Variants in RPS8 observed in about 807,000 individuals in gnomAD.
RPS8 encodes the protein ribosomal protein S8.
For synonymous variants in RPS8, 100 were observed against 100.7 expected (o/e 0.99, Z 0.04); for missense variants, 141 against 269.7 (o/e 0.52, Z 3.34).
At chr1:44,775,924 C>A in intron 1 of RPS8, 110 bp from the exon 2 acceptor site, 1 of 1,046,526 alleles carries the variant, frequency 9.6e-7, no homozygotes, top group Non-Finnish European at 1.5e-6. Flanking sequence ...GGAAGCCAAC[C>A]TTGGAGAGCT....
At chr1:44,777,550 GGA>G (rs1299063092) in intron 3 of RPS8, 62 bp from the exon 4 acceptor site, 2 of 1,342,428 alleles carry the variant, frequency 1.5e-6, no homozygotes, top group Non-Finnish European at 1.1e-6. Flanking sequence ...TGAAGAACCT[GGA>G]GGAGTGTGCC....
Position 44,775,551 on chromosome 1 carries a change from C to G in RPS8, c.-46C>G. The G allele has an allele frequency of 5.0e-6, 8 of 1,613,796 alleles. No homozygotes were observed. The highest frequency in any genetic ancestry group is 1.1e-5 in the South Asian group (1 of 91,082). On this transcript the variant is annotated 5_prime_UTR_variant, in exon 1 of 6. Coordinates refer to ENST00000396651, the MANE Select transcript of RPS8 (RefSeq NM_001012.2). ...AGGGGCGGGGCAGCGTTTTACAAAC[C>G]GAACCGTGAATCTTTGCGGTTTCTC...
intron 4 of RPS8, 29 bp downstream of exon 4, chr1:44,777,818 G>C (rs956352747): frequency 1.2e-6 from 2 of 1,611,774 alleles, no homozygotes; most frequent in Non-Finnish European, 1.7e-6. Context: ...TAGGGGTTGT[G>C]GGGAGGGCAG....
At position 44,776,158 on chromosome 1, in the gene RPS8, C is replaced by T; in HGVS notation, c.111+18C>T. Reference sequence around the variant, plus strand: ...ACACCAAGGTGGGTGCGAGCGTGGGCCTGTCCGCCTGGGAGGTCGCCTTCC... The same window carrying T: ...ACACCAAGGTGGGTGCGAGCGTGGGTCTGTCCGCCTGGGAGGTCGCCTTCC... On this transcript the variant is annotated intron_variant, in intron 2 of 5. Coordinates refer to ENST00000396651, the MANE Select transcript of RPS8 (RefSeq NM_001012.2). 5.2e-6 allele frequency: 8 copies of T among 1,552,396 alleles called. No individual in the cohort carries two copies. Among genetic ancestry groups the T allele is most frequent in the Non-Finnish European group, 7.0e-6 (8 of 1,146,282 alleles).
intron 5 of RPS8, 31 bp from the exon 6 acceptor site, chr1:44,778,545 G>A (rs374943975): frequency 2.2e-4 from 345 of 1,575,502 alleles, no homozygotes; most frequent in Admixed American, 3.3e-4. Context: ...CCACCTTGTC[G>A]TTGTGCTAAG....
intron 1 of RPS8, 112 bp downstream of exon 1, chr1:44,775,712 A>G: frequency 7.2e-7 from 1 of 1,381,824 alleles, no homozygotes; most frequent in Non-Finnish European, 1.0e-6. Flanking sequence ...GGCCAGGGAC[A>G]GCCACGAGGA....
rs374603121 is a variant in RPS8 at position 44,775,546 on chromosome 1, C to G, written c.-51C>G. 1 of 1,613,640 alleles carries G rather than the reference C, an allele frequency of 6.2e-7. No homozygotes were observed. Among genetic ancestry groups the G allele is most frequent in the Non-Finnish European group, 8.5e-7 (1 of 1,179,536 alleles). ...AGTAAAGGGGCGGGGCAGCGTTTTA[C>G]AAACCGAACCGTGAATCTTTGCGGT... On this transcript the variant is annotated 5_prime_UTR_variant, in exon 1 of 6. Transcript: ENST00000396651.
chr1:44,776,284 T>G, intron 2 of RPS8, 144 bp downstream of exon 2: 1 of 664,238 alleles, frequency 1.5e-6, no homozygotes, highest in Non-Finnish European at 2.6e-6. Flanking sequence ...TGTCCCCCTT[T>G]AGCTGTTGGA....
rs1258869055 is a variant in RPS8, at chr1:44,778,117, G to A, written c.505G>A (p.Gly169Ser). The A allele has an allele frequency of 6.3e-7, 1 of 1,595,700 alleles. No homozygotes were observed. Among genetic ancestry groups the A allele is most frequent in the African/African-American group, 1.3e-5 (1 of 74,614 alleles). ...TCTCCTGGAGGAGCAGTTCCAGCAG[G>A]GCAAGCTTCTTGGTGAGAAGGCTGT... is the stretch of plus-strand genomic sequence containing the variant. ...SSLLEEQFQQ[G>S]KLLACIASRP... The change falls in exon 5 of 6, where the codon GGC (glycine) becomes AGC (serine). Residue 169 changes from glycine to serine, a missense_variant. By Grantham distance (56) the Gly-to-Ser change is moderately conservative. Transcript: ENST00000396651.
intron 1 of RPS8, 26 bp downstream of exon 1, chr1:44,775,626 G>C: frequency 6.2e-7 from 1 of 1,613,994 alleles, no homozygotes. Flanking sequence ...CATTGAGGCG[G>C]GTGAAGGGAG....
intron 3 of RPS8, 62 bp from the exon 4 acceptor site, chr1:44,777,552 A>G (rs1044637402): frequency 4.4e-6 from 6 of 1,357,034 alleles, no homozygotes; most frequent in Middle Eastern, 3.6e-4. Context: ...AAGAACCTGG[A>G]GGAGTGTGCC....
intron 1 of RPS8, chr1:44,775,814 G>T: frequency 1.3e-6 from 1 of 790,974 alleles, no homozygotes; most frequent in Non-Finnish European, 2.1e-6. Flanking sequence ...TGCGGGCTCC[G>T]AGCGGCGCCA....
chr1:44,775,797 CGCGGGCT>C (rs900046274), intron 1 of RPS8, 197 bp downstream of exon 1: 21 of 841,640 alleles, frequency 2.5e-5, no homozygotes, highest in Non-Finnish European at 3.9e-5. Context: ...GGTTCCGGGC[CGCGGGCT>C]GCGGGCTCCG....
intron 2 of RPS8, 151 bp from the exon 3 acceptor site, chr1:44,776,524 T>C: frequency 1.3e-6 from 1 of 781,152 alleles, no homozygotes; most frequent in Admixed American, 1.7e-5. Flanking sequence ...TTAGGCGTGG[T>C]TGTGGCCGTC....
chr1:44,775,763 G>T (rs1650823380), intron 1 of RPS8, 163 bp downstream of exon 1: 2 of 996,112 alleles, frequency 2.0e-6, no homozygotes. Flanking sequence ...CCGTCTCTGG[G>T]GGCTGCGAAG....
intron 5 of RPS8, 34 bp downstream of exon 5, chr1:44,778,163 G>A (rs201613022): frequency 2.0e-4 from 322 of 1,586,900 alleles, no homozygotes; most frequent in Middle Eastern, 3.3e-4. Context: ...GTGGGGAGTC[G>A]CAGAGATTGA....
At position 44,778,029 on chromosome 1, in the gene RPS8, A is replaced by G. The variant is rs777827926; in HGVS notation, c.417A>G (p.Lys139=). ...CTGAGGAAGAAGAGATTTTAAACAA[A>G]AAACGATCTAAAAAAATTCAGAAGA... ...LTPEEEEILN[K]KRSKKIQKKY... Residue 139 remains lysine, a synonymous_variant, in exon 5 of 6, where the codon AAA becomes AAG. Transcript: ENST00000396651. 6.2e-7 allele frequency: 1 copy of G among 1,613,944 alleles called. No individual in the cohort carries two copies. The highest frequency in any genetic ancestry group is 8.5e-7 in the Non-Finnish European group (1 of 1,179,892).
At chr1:44,775,945 C>G in intron 1 of RPS8, 89 bp from the exon 2 acceptor site, 1 of 1,252,636 alleles carries the variant, frequency 8.0e-7, no homozygotes, top group Non-Finnish European at 1.2e-6. Context: ...GAGCGTGCGA[C>G]CGGCCCGGCG....
chr1:44,777,819 G>C, intron 4 of RPS8, 30 bp downstream of exon 4: 1 of 1,612,118 alleles, frequency 6.2e-7, no homozygotes, highest in Non-Finnish European at 8.5e-7. Flanking sequence ...AGGGGTTGTG[G>C]GGAGGGCAGC....
Sources: gnomAD v4.1 joint callset for allele counts on GRCh38, gnomAD v4.1.1 for gene constraint, MANE v1.5 for transcripts, NCBI Gene and HGNC (gene_info 2026-07-23, HGNC 2026-07-21) for gene names.